The following KCTD21 variants were observed in gnomAD, a reference collection of about 807,000 sequenced individuals.
The protein encoded by KCTD21 is BTB/POZ domain-containing protein KCTD21.
KCTD21 carries 9 observed loss-of-function variants against 13.2 expected under a neutral mutation model. The observed-to-expected ratio is 0.68, with a 90% CI of 0.41 to 1.19. The LOEUF (loss-of-function observed/expected upper bound fraction) is 1.19. Ranked by LOEUF, KCTD21 falls within the 50% of genes most tolerant of loss-of-function variation. The probability of loss-of-function intolerance (pLI) is 0.01; values close to 1 mark genes in which losing one functional copy is unlikely to be tolerated. For synonymous variants in KCTD21, 142 were observed against 137.4 expected, an observed-to-expected ratio of 1.03 and a Z score of -0.23; for missense variants, 303 against 336.5, an observed-to-expected ratio of 0.90 and a Z score of 0.78.
At chr11:78,186,962 T>G (rs1862796957) in intron 1 of KCTD21, 1 of 985,372 alleles carries the variant, frequency 1.0e-6, no homozygotes, top group Admixed American at 6.1e-5. Context: ...ATTTCTCTCC[T>G]GTTTAGTCAG....
chr11:78,183,365 A>G (rs1390033787), intron 1 of KCTD21, among the ~76,000 whole-genome samples: 1 of 152,002 alleles, frequency 6.6e-6, no homozygotes, highest in Non-Finnish European at 1.5e-5. Context: ...GCAAAACCCC[A>G]TCTCTACTAA....
chr11:78,188,224 C>G (rs1862864285), intron 1 of KCTD21: 1 of 984,882 alleles, frequency 1.0e-6, no homozygotes, highest in Non-Finnish European at 1.2e-6. Context: ...AGCCCCCACT[C>G]CGACCTGACA....
In KCTD21 at chr11:78,171,347, T is replaced by C. The variant is rs613686; in HGVS notation, c.*2425A>G. On this transcript the variant is annotated 3_prime_UTR_variant, in exon 2 of 2. Transcript: ENST00000340067. ...TAGGGTTATGTATTACTGTTATGCC[T>C]ATTTCACAGATGAAGAAATGGAGGT... 0.3 allele frequency: 46,470 copies of C among 152,604 alleles called. 11,294 individuals are homozygous for C. Among genetic ancestry groups the C allele is most frequent in the African/African-American group, 0.68 (28,332 of 41,478 alleles). The allele number at this position is 152,604 out of a possible 1,614,324, so 9.5% of individuals were successfully genotyped here. A position where few individuals can be genotyped will look rare whatever the true frequency, so the allele number is the denominator to read the frequency against.
chr11:78,173,756 T>G lies in KCTD21; in HGVS notation c.*16A>C. 3 of 1,588,966 alleles carry G rather than the reference T, an allele frequency of 1.9e-6. No individual in the cohort carries two copies. Among genetic ancestry groups the G allele is most frequent in the Non-Finnish European group, 2.6e-6 (3 of 1,164,376 alleles). On this transcript the variant is annotated 3_prime_UTR_variant, in exon 2 of 2. Coordinates refer to ENST00000340067, the MANE Select transcript of KCTD21 (RefSeq NM_001029859.3). ...GCTTCCTGGGACTCCCCATCTCCAG[T>G]GTTGTTGGGGTCCTTTTACCTGTAC...
At chr11:78,178,761 C>G (rs545726974) in intron 1 of KCTD21, among the ~76,000 whole-genome samples, 1 of 152,338 alleles carries the variant, frequency 6.6e-6, no homozygotes, top group South Asian at 2.1e-4. Context: ...CTTCCCAAAG[C>G]TGGATCAGAA....
chr11:78,187,672 G>A (rs1398461538), intron 1 of KCTD21: 3 of 985,336 alleles, frequency 3.0e-6, no homozygotes, highest in Non-Finnish European at 3.6e-6. Context: ...TATAAACACC[G>A]TGCTTTCAAA....
intron 1 of KCTD21, 146 bp from the exon 2 acceptor site, chr11:78,174,729 G>A (rs1330363952): frequency 3.3e-6 from 2 of 597,408 alleles, no homozygotes; most frequent in Non-Finnish European, 5.9e-6. Context: ...TGCTAACACT[G>A]TGCAAAGTAC....
chr11:78,174,098 A>C lies in KCTD21; in HGVS notation c.457T>G (p.Cys153Gly). Residue 153 changes from cysteine (C) to glycine (G), a missense_variant, in exon 2 of 2, where the codon TGC (cysteine) becomes GGC (glycine). Coordinates refer to ENST00000340067, the MANE Select transcript of KCTD21 (RefSeq NM_001029859.3). ...VFNANIFSTS[C>G]LFLKLLGSKL... The stretch of plus-strand genomic sequence containing the variant: ...GAGCCAAGGAGCTTGAGGAAGAGGC[A>C]GGAGGTGCTGAAGATGTTGGCGTTG... 6.2e-7 allele frequency: 1 copy of C among 1,614,194 alleles called. No individual in the cohort carries two copies. The highest frequency in any genetic ancestry group is 8.5e-7 in the Non-Finnish European group (1 of 1,180,046).
chr11:78,183,482 G>A (rs1157472569), intron 1 of KCTD21, among the ~76,000 whole-genome samples: 1 of 151,364 alleles, frequency 6.6e-6, no homozygotes, highest in Non-Finnish European at 1.5e-5. Flanking sequence ...GTTGCAGTGA[G>A]CCAAGATCGT....
rs1229681741 is a variant in KCTD21 at position 78,173,944 on chromosome 11, T to G, written c.611A>C (p.Asn204Thr). The stretch of plus-strand genomic sequence containing the variant: ...GGGCACCACCCAGAGCCTCTTGAGG[T>G]TCTGCTTGGTGTACTCCTCCTCTGG... ...GLPEEEYTKQ[N>T]LKRLWVVPAN... is the part of the protein sequence containing the mutation. Residue 204 changes from asparagine to threonine, a missense_variant, in exon 2 of 2, where the codon AAC becomes ACC. By Grantham distance (65) the Asn-to-Thr change is moderately conservative (BLOSUM62 0). Coordinates refer to ENST00000340067, the MANE Select transcript of KCTD21 (RefSeq NM_001029859.3). The G allele has an allele frequency of 6.2e-7, 1 of 1,613,814 alleles. No homozygotes were observed. Among genetic ancestry groups the G allele is most frequent in the African/African-American group, 1.3e-5 (1 of 74,904 alleles).
intron 1 of KCTD21, chr11:78,175,101 T>C (rs1179755006): frequency 6.6e-6 from 1 of 152,508 alleles, no homozygotes; most frequent in Non-Finnish European, 1.5e-5. Flanking sequence ...GGCGGGCAGA[T>C]CACCTGAGAT....
At chr11:78,184,752 G>T (rs1011704416) in intron 1 of KCTD21, among the ~76,000 whole-genome samples, 13 of 123,628 alleles carry the variant, frequency 1.1e-4, no homozygotes, top group Admixed American at 2.8e-4. Context: ...TGGGCAATTA[G>T]AATTTTTTTT....
intron 1 of KCTD21, chr11:78,188,147 C>T: frequency 2.0e-6 from 2 of 985,320 alleles, no homozygotes; most frequent in Non-Finnish European, 2.4e-6. Context: ...GTGTCTCCGC[C>T]CTTCCTTCCC....
At chr11:78,182,306 C>G (rs749087613) in intron 1 of KCTD21, among the ~76,000 whole-genome samples, 2 of 106,700 alleles carry the variant, frequency 1.9e-5, no homozygotes, top group Non-Finnish European at 4.2e-5. Flanking sequence ...CACCCCCCCC[C>G]CCTCAAAATT....
chr11:78,179,999 G>A (rs1022537827), intron 1 of KCTD21, among the ~76,000 whole-genome samples: 1 of 152,054 alleles, frequency 6.6e-6, no homozygotes, highest in African/African-American at 2.4e-5. Flanking sequence ...GCAGATCAGT[G>A]GACATCCATA....
At chr11:78,187,950 T>C (rs1862843458) in intron 1 of KCTD21, 1 of 985,282 alleles carries the variant, frequency 1.0e-6, no homozygotes, top group Non-Finnish European at 1.2e-6. Flanking sequence ...ACCGCTATAG[T>C]GACGCCTCTA....
intron 1 of KCTD21, among the ~76,000 whole-genome samples, chr11:78,181,333 GAACTA>G (rs1295213087): frequency 2.6e-5 from 4 of 152,280 alleles, no homozygotes; most frequent in Admixed American, 2.0e-4. Flanking sequence ...CAATATATAG[GAACTA>G]CTAAAAGACA....
chr11:78,174,091 A>C lies in KCTD21; in HGVS notation c.464T>G (p.Phe155Cys). Residue 155 changes from phenylalanine (F) to cysteine (C), a missense_variant, in exon 2 of 2, where the codon TTC (phenylalanine) becomes TGC (cysteine). Coordinates refer to ENST00000340067, the MANE Select transcript of KCTD21 (RefSeq NM_001029859.3). ...GAGCTTAGAGCCAAGGAGCTTGAGG[A>C]AGAGGCAGGAGGTGCTGAAGATGTT... is the stretch of plus-strand genomic sequence containing the variant. ...NANIFSTSCL[F>C]LKLLGSKLFY... 1.2e-6 allele frequency: 2 copies of C among 1,614,158 alleles called. No individual in the cohort carries two copies.
At chr11:78,188,060 A>C in intron 1 of KCTD21, 1 of 985,400 alleles carries the variant, frequency 1.0e-6, no homozygotes, top group South Asian at 4.7e-5. Flanking sequence ...TGTTCTATGC[A>C]TCACAGGCTT....
Sources: gnomAD v4.1 joint callset for allele counts (sites outside exome capture counted in the v4.1 genomes callset) on GRCh38, gnomAD v4.1.1 for gene constraint, MANE v1.5 for transcripts, NCBI Gene and HGNC (gene_info 2026-07-23, HGNC 2026-07-21) for gene names.